ADCY2: variants seen among roughly 807,000 people sequenced by gnomAD.
The protein encoded by ADCY2 is adenylate cyclase type 2.
A neutral mutation model predicts 125.2 loss-of-function variants in ADCY2; 31 were observed. The observed-to-expected ratio is 0.25, with a 90% CI of 0.19 to 0.33. The LOEUF (loss-of-function observed/expected upper bound fraction) is 0.33, where lower values mean the gene tolerates loss of function less well. Among genes scored for constraint, ADCY2 ranks in the 10% least tolerant of loss-of-function variants. ADCY2 has a pLI of 1.00. For synonymous variants in ADCY2, 512 were observed against 548.4 expected (o/e 0.93, Z 0.93); for missense variants, 904 against 1,418.2 (o/e 0.64, Z 5.82).
Position 7,693,413 on chromosome 5 carries a change from G to GTTTT in ADCY2, c.870-2319_870-2316dup, listed in dbSNP as rs70940751. On this transcript the variant is annotated intron_variant, in intron 5 of 24. Coordinates refer to ENST00000338316, the MANE Select transcript of ADCY2 (RefSeq NM_020546.3). ...GCATCACAATTGCCTGCTGTTTTTTGTTTTTTTTTTTTTTTTTTTTTTTGA... is the reference window on the plus strand; with the variant it reads ...GCATCACAATTGCCTGCTGTTTTTTGTTTTTTTTTTTTTTTTTTTTTTTTTTTGA... Among the ~76,000 whole-genome samples the GTTTT allele has an allele frequency of 3.1e-3, 99 of 32,410 alleles. 1 individual carries two copies. Among genetic ancestry groups the GTTTT allele is most frequent in the African/African-American group, 4.0e-3 (60 of 14,882 alleles). The allele number at this position is 32,410 out of a possible 152,430, so 21.3% of individuals were successfully genotyped here. A position where few individuals can be genotyped will look rare whatever the true frequency, so the allele number is the denominator to read the frequency against.
chr5:7,707,586 G>A, intron 8 of ADCY2, 120 bp from the exon 9 acceptor site: 4 of 1,161,076 alleles, frequency 3.4e-6, no homozygotes, highest in African/African-American at 3.1e-5. Flanking sequence ...AACTTTAATT[G>A]CGGTCAGTGC....
intron 2 of ADCY2, among the ~76,000 whole-genome samples, chr5:7,509,947 A>G (rs999712319): frequency 1.3e-5 from 2 of 152,194 alleles, no homozygotes; most frequent in Non-Finnish European, 2.9e-5. Flanking sequence ...TCAGGTATTG[A>G]ATAAGAGGTA....
chr5:7,779,046 T>G (rs113115275), intron 18 of ADCY2, among the ~76,000 whole-genome samples: 1,787 of 152,352 alleles, frequency 0.012, 39 homozygotes, highest in African/African-American at 0.041. Flanking sequence ...GCCTGTTTCC[T>G]GCACCCTATG....
rs186079580 is a variant in ADCY2 at position 7,789,468 on chromosome 5, G to A, written c.2470-174G>A. Among the ~76,000 whole-genome samples, 14 of 152,298 alleles carry A rather than the reference G, an allele frequency of 9.2e-5. No individual in the cohort carries two copies. The East Asian group carries it at 2.7e-3, about 29-fold the overall frequency. ...TGTTTTTTGCAAATCCATGTCAGAG[G>A]TTGACTGAAGGACATTTCAGGGACA... On this transcript the variant is annotated intron_variant, in intron 19 of 24. Transcript: ENST00000338316.
In ADCY2 at chr5:7,727,196, T is replaced by C; in HGVS notation, c.1806T>C (p.Tyr602=). The change falls in exon 14 of 25, where the codon TAT becomes TAC. Residue 602 remains tyrosine, a synonymous_variant. Coordinates refer to ENST00000338316, the MANE Select transcript of ADCY2 (RefSeq NM_020546.3). ...YRATALPAFK[Y]YVTCACLIFF... Reference sequence around the variant, plus strand: ...CCACGGCACTGCCAGCGTTCAAGTATTATGTGACTTGTGCCTGTCTCATAT... The same window carrying C: ...CCACGGCACTGCCAGCGTTCAAGTACTATGTGACTTGTGCCTGTCTCATAT... The C allele has an allele frequency of 6.2e-7, 1 of 1,614,186 alleles. No individual in the cohort carries two copies. Among genetic ancestry groups the C allele is most frequent in the Non-Finnish European group, 8.5e-7 (1 of 1,180,004 alleles).
At chr5:7,482,512 G>A (rs1247583616) in intron 2 of ADCY2, among the ~76,000 whole-genome samples, 1 of 151,930 alleles carries the variant, frequency 6.6e-6, no homozygotes, top group Non-Finnish European at 1.5e-5. Flanking sequence ...TGTACTGTTG[G>A]TGGGAACTTT....
intron 3 of ADCY2, among the ~76,000 whole-genome samples, chr5:7,571,629 C>G (rs550380770): frequency 7.2e-5 from 11 of 152,270 alleles, no homozygotes; most frequent in Admixed American, 6.5e-4. Context: ...TGTGTCACCC[C>G]TCTCAAATTT....
In ADCY2 at chr5:7,472,629, A is replaced by G. The variant is rs530510499; in HGVS notation, c.409-48109A>G. On this transcript the variant is annotated intron_variant, in intron 2 of 24. Transcript: ENST00000338316. ...TGTTAGGCTTTATGAATAGGACAGC[A>G]GAGACCGAGACAGATCAAATTTATG... is the stretch of plus-strand genomic sequence containing the variant. 5.3e-5 allele frequency among the ~76,000 whole-genome samples: 8 copies of G among 152,322 alleles called. No individual in the cohort carries two copies. The South Asian group carries it at 1.7e-3, about 32-fold the overall frequency.
Position 7,552,036 on chromosome 5 carries a change from T to C in ADCY2, c.570+31137T>C, listed in dbSNP as rs543272019. Among the ~76,000 whole-genome samples, 9 of 152,340 alleles carry C rather than the reference T, an allele frequency of 5.9e-5. 1 individual carries two copies. The East Asian group carries it at 1.3e-3, about 23-fold the overall frequency. The stretch of plus-strand genomic sequence containing the variant: ...TGAAATCAGTACAGAGTTGTGCCAT[T>C]TAATTAAAATTACTATCAATGGCTT... On this transcript the variant is annotated intron_variant, in intron 3 of 24. Transcript: ENST00000338316.
intron 3 of ADCY2, among the ~76,000 whole-genome samples, chr5:7,625,655 T>C (rs1320043906): frequency 1.3e-5 from 2 of 152,184 alleles, no homozygotes; most frequent in East Asian, 3.8e-4. Flanking sequence ...AGTTTTGGTG[T>C]GAGGGCAGTT....
At chr5:7,614,091 T>C (rs781038521) in intron 3 of ADCY2, among the ~76,000 whole-genome samples, 9 of 152,250 alleles carry the variant, frequency 5.9e-5, no homozygotes, top group Non-Finnish European at 1.3e-4. Context: ...TACTTAATGT[T>C]ATCCATAGTC....
chr5:7,685,847 A>T (rs559105603), intron 4 of ADCY2, among the ~76,000 whole-genome samples: 13 of 152,252 alleles, frequency 8.5e-5, no homozygotes, highest in African/African-American at 2.2e-4. Flanking sequence ...TTATGAAATG[A>T]TTTCTGTTTC....
At chr5:7,691,317 G>C in intron 5 of ADCY2, 1 of 152,346 alleles carries the variant, frequency 6.6e-6, no homozygotes, top group Non-Finnish European at 1.5e-5. Flanking sequence ...CTCAGGTCTG[G>C]AAGACCAGTG....
intron 2 of ADCY2, among the ~76,000 whole-genome samples, chr5:7,456,250 G>A (rs772949621): frequency 9.2e-4 from 140 of 152,306 alleles, no homozygotes; most frequent in South Asian, 1.9e-3. Context: ...TCTAGATTAT[G>A]AATTTGGTAT....
intron 19 of ADCY2, among the ~76,000 whole-genome samples, chr5:7,787,343 T>C (rs1744115024): frequency 6.6e-6 from 1 of 152,190 alleles, no homozygotes; most frequent in African/African-American, 2.4e-5. Flanking sequence ...CTTTCTCTTG[T>C]AAGCACACCC....
intron 2 of ADCY2, among the ~76,000 whole-genome samples, chr5:7,416,201 C>T (rs1739938279): frequency 6.6e-6 from 1 of 152,178 alleles, no homozygotes; most frequent in Non-Finnish European, 1.5e-5. Context: ...TCTGCCAAGC[C>T]ATTATTCTCT....
At chr5:7,602,372 T>C (rs996165130) in intron 3 of ADCY2, among the ~76,000 whole-genome samples, 8 of 152,178 alleles carry the variant, frequency 5.3e-5, no homozygotes, top group African/African-American at 1.9e-4. Context: ...TGTCTTCTAT[T>C]TCTATGGCTC....
intron 4 of ADCY2, among the ~76,000 whole-genome samples, chr5:7,658,399 T>TTGTGTGTGTGTG (rs369870574): frequency 0.086 from 11,216 of 129,692 alleles, 586 homozygotes; most frequent in Non-Finnish European, 0.13. Context: ...GTGAAGAGAA[T>TTGTGTGTGTGTG]TGTGTGTGTG....
At chr5:7,769,262 A>T (rs773335591) in intron 17 of ADCY2, among the ~76,000 whole-genome samples, 2 of 152,196 alleles carry the variant, frequency 1.3e-5, no homozygotes, top group Non-Finnish European at 2.9e-5. Flanking sequence ...AAAGAAAACA[A>T]CCTAAAAATA....
Sources: gnomAD v4.1 joint callset for allele counts (sites outside exome capture counted in the v4.1 genomes callset) on GRCh38, gnomAD v4.1.1 for gene constraint, MANE v1.5 for transcripts, NCBI Gene and HGNC (gene_info 2026-07-23, HGNC 2026-07-21) for gene names.